THRAP3: variants seen among roughly 807,000 people sequenced by gnomAD.
THRAP3 encodes the protein thyroid hormone receptor associated protein 3.
THRAP3 carries 16 observed loss-of-function variants against 101.0 expected under a neutral mutation model. That is an observed-to-expected ratio of 0.16 (90% confidence interval 0.11 to 0.24). The LOEUF (loss-of-function observed/expected upper bound fraction) is 0.24, where lower values mean the gene tolerates loss of function less well. Among genes scored for constraint, THRAP3 ranks in the 10% least tolerant of loss-of-function variants. The pLI is 1.00. For missense variants in THRAP3, 989 were observed against 1,202.7 expected (o/e 0.82, Z 2.63); for synonymous variants, 407 against 422.6 (o/e 0.96, Z 0.45).
chr1:36,292,257 TTTG>T (rs1451617232), intron 6 of THRAP3, among the ~76,000 whole-genome samples: 3 of 54,286 alleles, frequency 5.5e-5, no homozygotes, highest in Non-Finnish European at 1.1e-4. Flanking sequence ...AATGTGTTTC[TTTG>T]TTTCTTTTTT....
At chr1:36,243,917 C>CG (rs1187322834) in intron 1 of THRAP3, among the ~76,000 whole-genome samples, 3 of 136,780 alleles carry the variant, frequency 2.2e-5, no homozygotes, top group Non-Finnish European at 3.2e-5. Flanking sequence ...GCTGGCCGGG[C>CG]GGGGGGCTGA....
At chr1:36,237,786 CAAA>C (rs908423181) in intron 1 of THRAP3, among the ~76,000 whole-genome samples, 2 of 149,072 alleles carry the variant, frequency 1.3e-5, no homozygotes, top group Non-Finnish European at 3.0e-5. Context: ...AACAAACAAA[CAAA>C]AAAAAACAAC....
the THRAP3 span, among the ~76,000 whole-genome samples, chr1:36,213,997 GGAAA>G: frequency 0.1 from 8,095 of 80,668 alleles, 871 homozygotes; most frequent in East Asian, 0.16. Flanking sequence ...AAGAAAGAAA[GGAAA>G]GAAAGAAAGA....
chr1:36,249,127 G>C (rs998969220), intron 1 of THRAP3, among the ~76,000 whole-genome samples: 1 of 151,044 alleles, frequency 6.6e-6, no homozygotes, highest in Non-Finnish European at 1.5e-5. Context: ...ACCACAGGCT[G>C]TCCACCTGGG....
rs373317480 is a variant in THRAP3, at chr1:36,300,913, C to T, written c.2331C>T (p.Ser777=). ...QKKHRRARDR[S]RSSSSSSQSS... is the part of the protein sequence containing the mutation. ...AGCATCGGAGAGCAAGAGACAGGTC[C>T]AGATCCTCCTCCTCTTCCTCCCAGT... Residue 777 remains serine (S), a synonymous_variant, in exon 10 of 12, where the codon TCC becomes TCT. Coordinates refer to ENST00000354618, the MANE Select transcript of THRAP3 (RefSeq NM_005119.4). 1.9e-5 allele frequency: 30 copies of T among 1,613,558 alleles called. No homozygotes were observed. The highest frequency in any genetic ancestry group is 2.2e-5 in the Non-Finnish European group (26 of 1,179,948).
chr1:36,281,928 C>T (rs1188788546), intron 2 of THRAP3, among the ~76,000 whole-genome samples: 2 of 152,078 alleles, frequency 1.3e-5, no homozygotes, highest in African/African-American at 4.8e-5. Flanking sequence ...AAAAAATTAG[C>T]CGGGCATGGT....
intron 11 of THRAP3, among the ~76,000 whole-genome samples, chr1:36,302,558 G>C (rs1279101238): frequency 6.6e-6 from 1 of 152,114 alleles, no homozygotes; most frequent in Admixed American, 6.6e-5. Context: ...CCTCTCCCTT[G>C]CTCCTATCTG....
At chr1:36,270,451 AAGAC>A (rs1267319836) in intron 2 of THRAP3, among the ~76,000 whole-genome samples, 1 of 152,156 alleles carries the variant, frequency 6.6e-6, no homozygotes, top group Admixed American at 6.5e-5. Flanking sequence ...TCGCAGCTAT[AAGAC>A]AGGCCCTTTT....
chr1:36,266,858 T>TTATTTATC (rs1336467780), intron 2 of THRAP3, among the ~76,000 whole-genome samples: 1 of 132,676 alleles, frequency 7.5e-6, no homozygotes, highest in Non-Finnish European at 1.5e-5. Flanking sequence ...GAATATTTAT[T>TTATTTATC]TATTTATTTA....
At chr1:36,301,265 A>G (rs1184328456) in intron 10 of THRAP3, among the ~76,000 whole-genome samples, 181 bp downstream of exon 10, 1 of 152,112 alleles carries the variant, frequency 6.6e-6, no homozygotes, top group African/African-American at 2.4e-5. Flanking sequence ...TTTTCTGTTC[A>G]TAATCACTTA....
At chr1:36,282,231 CTCTCTT>C (rs1448469139) in intron 2 of THRAP3, among the ~76,000 whole-genome samples, 4 of 116,580 alleles carry the variant, frequency 3.4e-5, no homozygotes, top group Non-Finnish European at 8.6e-5. Context: ...CAGCCACTTT[CTCTCTT>C]TTTTTTTTTT....
intron 1 of THRAP3, chr1:36,225,513 TA>T (rs1644951642): frequency 6.6e-6 from 1 of 152,094 alleles, no homozygotes; most frequent in Non-Finnish European, 1.5e-5. Context: ...CTAAATGAGA[TA>T]AAATAAAAAT....
intron 1 of THRAP3, among the ~76,000 whole-genome samples, chr1:36,241,385 G>GTATATA (rs1166260923): frequency 7.9e-3 from 68 of 8,604 alleles, no homozygotes; most frequent in African/African-American, 0.01. Flanking sequence ...GATAATGGGT[G>GTATATA]TATATATATA....
At chr1:36,243,316 C>T (rs1021964351) in intron 1 of THRAP3, among the ~76,000 whole-genome samples, 11 of 151,748 alleles carry the variant, frequency 7.2e-5, no homozygotes, top group African/African-American at 2.7e-4. Flanking sequence ...ACAAAGGTCT[C>T]TAGTTTTCCT....
the THRAP3 span, among the ~76,000 whole-genome samples, chr1:36,210,365 C>CAA: frequency 4.0e-5 from 2 of 49,578 alleles, no homozygotes; most frequent in Non-Finnish European, 8.1e-5. Flanking sequence ...GACTCCATCT[C>CAA]AAAAAAAAAA....
At chr1:36,224,146 G>C (rs1009063664), upstream of THRAP3, among the ~76,000 whole-genome samples, 1 of 152,230 alleles carries the variant, frequency 6.6e-6, no homozygotes, top group Non-Finnish European at 1.5e-5. Context: ...TTCCAAAATG[G>C]TGGGGGCAGT....
At chr1:36,264,329 A>T (rs988236842) in intron 2 of THRAP3, among the ~76,000 whole-genome samples, 2 of 152,224 alleles carry the variant, frequency 1.3e-5, no homozygotes, top group Non-Finnish European at 2.9e-5. Flanking sequence ...GGCACTGTGT[A>T]TGTGCTTCCT....
intron 2 of THRAP3, among the ~76,000 whole-genome samples, chr1:36,275,813 G>C (rs1645652537): frequency 6.6e-6 from 1 of 151,754 alleles, no homozygotes; most frequent in Admixed American, 6.6e-5. Flanking sequence ...TTGAGCCCAG[G>C]AGTTCCAGAC....
intron 2 of THRAP3, among the ~76,000 whole-genome samples, chr1:36,271,151 T>C (rs187390184): frequency 1.2e-4 from 18 of 152,356 alleles, no homozygotes; most frequent in African/African-American, 4.3e-4. Flanking sequence ...TAGATATGTC[T>C]TATATGTATG....
Sources: gnomAD v4.1 joint callset for allele counts (sites outside exome capture counted in the v4.1 genomes callset) on GRCh38, gnomAD v4.1.1 for gene constraint, MANE v1.5 for transcripts, NCBI Gene and HGNC (gene_info 2026-07-23, HGNC 2026-07-21) for gene names.